Variants in POU6F2 observed in about 807,000 individuals in gnomAD.
POU6F2 encodes POU domain, class 6, transcription factor 2.
In POU6F2, 31 loss-of-function variants were observed where a neutral mutation model predicts 71.3. The ratio of observed to expected loss-of-function variants is 0.43; its 90% CI spans 0.33 to 0.59. POU6F2 has a LOEUF of 0.59. Ranked by LOEUF, POU6F2 falls within the 20% of genes least tolerant of loss-of-function variation. The probability of loss-of-function intolerance (pLI) is 0.04; values close to 1 mark genes in which losing one functional copy is unlikely to be tolerated. For missense variants in POU6F2, 783 were observed against 856.8 expected (o/e 0.91, Z 1.07); for synonymous variants, 347 against 355.7 (o/e 0.98, Z 0.27).
chr7:39,386,742 G>T (rs984830772), intron 5 of POU6F2, among the ~76,000 whole-genome samples: 2 of 152,168 alleles, frequency 1.3e-5, no homozygotes, highest in African/African-American at 4.8e-5. Context: ...GAAGAAGTTG[G>T]ATCAAATAGC....
At chr7:39,038,487 T>C (rs2128711083) in intron 1 of POU6F2, among the ~76,000 whole-genome samples, 1 of 152,136 alleles carries the variant, frequency 6.6e-6, no homozygotes, top group African/African-American at 2.4e-5. Flanking sequence ...GCAAAGACCA[T>C]TTCCCAAGCA....
chr7:39,433,994 G>A (rs1306301478), intron 7 of POU6F2, among the ~76,000 whole-genome samples: 1 of 152,224 alleles, frequency 6.6e-6, no homozygotes, highest in Admixed American at 6.5e-5. Context: ...TCACCCTGTA[G>A]AGGACACAGA....
chr7:39,077,377 A>G (rs1280072930), intron 1 of POU6F2, among the ~76,000 whole-genome samples: 1 of 152,230 alleles, frequency 6.6e-6, no homozygotes, highest in Non-Finnish European at 1.5e-5. Flanking sequence ...ACTGTGTGCT[A>G]GATACTTTGT....
intron 4 of POU6F2, among the ~76,000 whole-genome samples, chr7:39,255,553 T>G (rs1480995134): frequency 6.6e-6 from 1 of 152,214 alleles, no homozygotes; most frequent in East Asian, 1.9e-4. Flanking sequence ...ACTGCAGTCT[T>G]AATATTTCGG....
intron 2 of POU6F2, among the ~76,000 whole-genome samples, chr7:39,095,821 C>T (rs1021030902): frequency 7.2e-5 from 11 of 152,148 alleles, no homozygotes; most frequent in Non-Finnish European, 1.5e-4. Flanking sequence ...AAAATTAAAA[C>T]GTGCCGAAGA....
chr7:39,295,151 C>CT (rs544086922), intron 4 of POU6F2, among the ~76,000 whole-genome samples: 4,435 of 141,436 alleles, frequency 0.031, 213 homozygotes, highest in African/African-American at 0.1. Flanking sequence ...TGCTTGCTTG[C>CT]TTTTTTTTTT....
chr7:39,300,056 G>A (rs1784925204), intron 4 of POU6F2, among the ~76,000 whole-genome samples: 1 of 152,144 alleles, frequency 6.6e-6, no homozygotes, highest in African/African-American at 2.4e-5. Flanking sequence ...CCCAAAGGCA[G>A]GCCAAGCCCA....
At chr7:39,078,719 A>G (rs1276450649) in intron 1 of POU6F2, among the ~76,000 whole-genome samples, 2 of 152,180 alleles carry the variant, frequency 1.3e-5, no homozygotes, top group Non-Finnish European at 2.9e-5. Flanking sequence ...GCAGGCCATA[A>G]AGCAAAATCC....
intron 5 of POU6F2, among the ~76,000 whole-genome samples, chr7:39,396,007 T>C (rs1787167182): frequency 1.3e-5 from 2 of 152,274 alleles, no homozygotes; most frequent in South Asian, 2.1e-4. Flanking sequence ...GCCATGACAA[T>C]AGGCAATTGG....
intron 2 of POU6F2, among the ~76,000 whole-genome samples, chr7:39,200,998 G>A (rs978011331): frequency 9.9e-5 from 15 of 152,054 alleles, no homozygotes; most frequent in African/African-American, 2.4e-4. Flanking sequence ...CTGCACTCTC[G>A]CTGGAGCAAC....
At chr7:39,155,029 C>T (rs1792841258) in intron 2 of POU6F2, among the ~76,000 whole-genome samples, 1 of 152,052 alleles carries the variant, frequency 6.6e-6, no homozygotes, top group Non-Finnish European at 1.5e-5. Flanking sequence ...ACAGGTTCTC[C>T]CCTCTCATCC....
At chr7:39,208,163 A>G (rs1310315331) in intron 4 of POU6F2, among the ~76,000 whole-genome samples, 1 of 152,238 alleles carries the variant, frequency 6.6e-6, no homozygotes, top group Non-Finnish European at 1.5e-5. Flanking sequence ...ATAGACTTGT[A>G]TGTTGAGCCT....
At chr7:39,254,820 T>C (rs1282696262) in intron 4 of POU6F2, among the ~76,000 whole-genome samples, 1 of 152,212 alleles carries the variant, frequency 6.6e-6, no homozygotes, top group Non-Finnish European at 1.5e-5. Context: ...CACATGTATC[T>C]TCTAAGAGAG....
intron 4 of POU6F2, among the ~76,000 whole-genome samples, chr7:39,256,326 A>G (rs897120589): frequency 2.6e-5 from 4 of 152,180 alleles, no homozygotes; most frequent in Non-Finnish European, 4.4e-5. Context: ...TAGGCCAATA[A>G]GCATAGGAAG....
chr7:39,439,589 A>T (rs1177915293), intron 7 of POU6F2, among the ~76,000 whole-genome samples: 2 of 152,206 alleles, frequency 1.3e-5, no homozygotes, highest in Non-Finnish European at 2.9e-5. Context: ...TCCTGGGTTC[A>T]ACTGATTCTC....
intron 5 of POU6F2, among the ~76,000 whole-genome samples, chr7:39,394,933 C>A (rs889348004): frequency 3.9e-5 from 6 of 152,170 alleles, no homozygotes; most frequent in Non-Finnish European, 8.8e-5. Flanking sequence ...CACCACCATA[C>A]CTGACACACA....
intron 1 of POU6F2, among the ~76,000 whole-genome samples, chr7:38,983,676 G>A (rs1229027): frequency 0.28 from 41,916 of 151,810 alleles, 6,085 homozygotes; most frequent in African/African-American, 0.37. Context: ...TGAGCCAATT[G>A]TGGTGAATAT....
chr7:39,304,558 A>G (rs968612542), intron 4 of POU6F2, among the ~76,000 whole-genome samples: 1 of 152,094 alleles, frequency 6.6e-6, no homozygotes, highest in African/African-American at 2.4e-5. Context: ...AAAAATCAAG[A>G]AATAATCTTA....
At chr7:39,149,231 A>T (rs1792690458) in intron 2 of POU6F2, among the ~76,000 whole-genome samples, 1 of 152,178 alleles carries the variant, frequency 6.6e-6, no homozygotes, top group South Asian at 2.1e-4. Context: ...TGGACTTTGC[A>T]ATCTATTGTT....
Sources: allele counts gnomAD v4.1 joint callset (sites outside exome capture counted in the v4.1 genomes callset), GRCh38; gene constraint gnomAD v4.1.1; transcripts MANE v1.5; gene names NCBI Gene and HGNC (gene_info 2026-07-23, HGNC 2026-07-21).